The following TTC33 variants were observed in gnomAD, a reference collection of about 807,000 sequenced individuals.
TTC33 encodes the protein tetratricopeptide repeat protein 33.
In TTC33, 24 loss-of-function variants were observed where a neutral mutation model predicts 29.4. That is an observed-to-expected ratio of 0.82 (90% CI 0.59 to 1.15). The LOEUF is 1.15. Among genes scored for constraint, TTC33 ranks in the 50% most tolerant of loss-of-function variants. The probability of loss-of-function intolerance (pLI) is 0.00; values close to 1 mark genes in which losing one functional copy is unlikely to be tolerated. For missense variants in TTC33, 286 were observed against 310.4 expected (o/e 0.92, Z 0.59); for synonymous variants, 107 against 100.3 (o/e 1.07, Z -0.40).
At chr5:40,750,087 C>CA (rs142845813) in intron 1 of TTC33, among the ~76,000 whole-genome samples, 3,890 of 132,412 alleles carry the variant, frequency 0.029, 180 homozygotes, top group African/African-American at 0.1. Context: ...AACTCCATCT[C>CA]AAAAAAAAAA....
At chr5:40,734,032 A>G (rs1742493184) in intron 2 of TTC33, among the ~76,000 whole-genome samples, 1 of 152,228 alleles carries the variant, frequency 6.6e-6, no homozygotes, top group Admixed American at 6.5e-5. Flanking sequence ...GCATCCCTCA[A>G]TGAAATGTGC....
At chr5:40,748,219 A>G (rs552034119) in intron 1 of TTC33, among the ~76,000 whole-genome samples, 76 of 151,588 alleles carry the variant, frequency 5.0e-4, no homozygotes, top group African/African-American at 1.8e-3. Flanking sequence ...TTTTTTTGAG[A>G]TGGAGTTTTG....
At chr5:40,751,850 G>A (rs540617461) in intron 1 of TTC33, among the ~76,000 whole-genome samples, 95 of 152,082 alleles carry the variant, frequency 6.2e-4, no homozygotes, top group Non-Finnish European at 1.1e-3. Context: ...CCAGCTGCTC[G>A]GGAGGCTGAG....
chr5:40,747,295 T>C (rs1742812478), intron 1 of TTC33, among the ~76,000 whole-genome samples: 1 of 152,128 alleles, frequency 6.6e-6, no homozygotes, highest in Non-Finnish European at 1.5e-5. Flanking sequence ...CGACCTCAGG[T>C]GATCTGCCCA....
chr5:40,754,247 G>T (rs907923304), intron 1 of TTC33, among the ~76,000 whole-genome samples: 12 of 152,188 alleles, frequency 7.9e-5, no homozygotes, highest in African/African-American at 2.9e-4. Flanking sequence ...GGTTATGAGG[G>T]TGTGGGAGGC....
intron 2 of TTC33, among the ~76,000 whole-genome samples, chr5:40,743,416 T>C (rs1412160948): frequency 2.0e-5 from 3 of 151,996 alleles, no homozygotes; most frequent in Admixed American, 6.6e-5. Flanking sequence ...GGACTCAGTA[T>C]TTTTTTTAAT....
intron 2 of TTC33, among the ~76,000 whole-genome samples, chr5:40,731,052 T>C (rs75326972): frequency 0.22 from 33,176 of 152,124 alleles, 4,327 homozygotes; most frequent in Admixed American, 0.37. Flanking sequence ...TTGTGGGTGA[T>C]TTCAAGCCTC....
At chr5:40,727,615 C>T (rs1342718556) in intron 4 of TTC33, among the ~76,000 whole-genome samples, 1 of 152,170 alleles carries the variant, frequency 6.6e-6, no homozygotes, top group African/African-American at 2.4e-5. Flanking sequence ...CACCATTACC[C>T]TCCCATATTC....
At chr5:40,724,225 T>C (rs1220101052) in intron 4 of TTC33, among the ~76,000 whole-genome samples, 5 of 152,202 alleles carry the variant, frequency 3.3e-5, no homozygotes, top group Non-Finnish European at 7.3e-5. Flanking sequence ...ATACACAACA[T>C]GGATGGGACT....
At chr5:40,745,132 C>T (rs987773879) in intron 2 of TTC33, among the ~76,000 whole-genome samples, 11 of 152,032 alleles carry the variant, frequency 7.2e-5, no homozygotes, top group African/African-American at 2.7e-4. Flanking sequence ...CCCAAGGATG[C>T]CAAAAGACAC....
At chr5:40,731,952 T>A (rs1355373728) in intron 2 of TTC33, among the ~76,000 whole-genome samples, 1 of 152,236 alleles carries the variant, frequency 6.6e-6, no homozygotes, top group Admixed American at 6.5e-5. Flanking sequence ...TTATTTAACA[T>A]ACAATTATTT....
intron 1 of TTC33, among the ~76,000 whole-genome samples, chr5:40,752,367 G>C (rs959209547): frequency 6.6e-6 from 1 of 152,240 alleles, no homozygotes; most frequent in African/African-American, 2.4e-5. Context: ...CCACTTGGCT[G>C]TTTGGTGCAA....
At chr5:40,723,644 C>G (rs1742209373) in intron 4 of TTC33, among the ~76,000 whole-genome samples, 1 of 152,118 alleles carries the variant, frequency 6.6e-6, no homozygotes, top group Non-Finnish European at 1.5e-5. Context: ...GTGGGCGGAT[C>G]ACCTGAGACC....
intron 2 of TTC33, among the ~76,000 whole-genome samples, chr5:40,742,368 C>G (rs1357791374): frequency 6.6e-6 from 1 of 152,050 alleles, no homozygotes; most frequent in Non-Finnish European, 1.5e-5. Context: ...TACTACATGA[C>G]AGGCAATATA....
chr5:40,716,430 G>C lies in TTC33; in HGVS notation c.504C>G (p.Leu168=). Residue 168 remains leucine (L), a synonymous_variant, in exon 5 of 5, where the codon CTC becomes CTG. Coordinates refer to ENST00000337702, the MANE Select transcript of TTC33 (RefSeq NM_012382.3). ...PMNPEIWKED[L]SWARTLQEQQ... is the part of the protein sequence containing the mutation. ...GCTCCTGGAGCGTTCTTGCCCAAGA[G>C]AGGTCTTCTTTCCATATTTCAGGGT... 6.2e-7 allele frequency: 1 copy of C among 1,613,814 alleles called. No individual in the cohort carries two copies. Among genetic ancestry groups the C allele is most frequent in the Non-Finnish European group, 8.5e-7 (1 of 1,180,030 alleles).
rs1030634429 is a variant in TTC33 at position 40,712,705 on chromosome 5, A to G, written c.*3440T>C. ...CACAAAAGGGAAAAAAGAGGCTAGC[A>G]TGCCCAGTTCTATATCTTAAACTCC... On this transcript the variant is annotated 3_prime_UTR_variant, in exon 5 of 5. Coordinates refer to ENST00000337702, the MANE Select transcript of TTC33 (RefSeq NM_012382.3). 1.3e-5 allele frequency among the ~76,000 whole-genome samples: 2 copies of G among 152,190 alleles called. No individual in the cohort carries two copies. The highest frequency in any genetic ancestry group is 6.5e-5 in the Admixed American group (1 of 15,270).
intron 1 of TTC33, among the ~76,000 whole-genome samples, chr5:40,748,914 C>T (rs1249650924): frequency 1.3e-5 from 2 of 152,166 alleles, no homozygotes; most frequent in Non-Finnish European, 2.9e-5. Flanking sequence ...GCCAGTGGAT[C>T]ATTTGAGGTC....
At chr5:40,722,425 G>A (rs892242644) in intron 4 of TTC33, among the ~76,000 whole-genome samples, 10 of 150,078 alleles carry the variant, frequency 6.7e-5, no homozygotes, top group African/African-American at 9.8e-5. Context: ...AGTGAGGAGC[G>A]CCTCTTCCCG....
intron 1 of TTC33, among the ~76,000 whole-genome samples, chr5:40,751,840 C>G (rs565928752): frequency 2.0e-5 from 3 of 152,160 alleles, no homozygotes; most frequent in African/African-American, 7.2e-5. Context: ...GCCTGTAGTC[C>G]CAGCTGCTCG....
Sources: gnomAD v4.1 joint callset for allele counts (sites outside exome capture counted in the v4.1 genomes callset) on GRCh38, gnomAD v4.1.1 for gene constraint, MANE v1.5 for transcripts, NCBI Gene and HGNC (gene_info 2026-07-23, HGNC 2026-07-21) for gene names.